Variants in GABRG3 observed in about 807,000 individuals in gnomAD.
The protein encoded by GABRG3 is gamma-aminobutyric acid receptor subunit gamma-3.
In GABRG3, 25 loss-of-function variants were observed where a neutral mutation model predicts 48.8. That is an observed-to-expected ratio of 0.51 (90% CI 0.37 to 0.72). GABRG3 has a LOEUF of 0.72. GABRG3 is among the 30% of genes least tolerant of loss of function. The pLI is 0.00. For missense variants in GABRG3, 394 were observed against 577.9 expected, an observed-to-expected ratio of 0.68 and a Z score of 3.26; for synonymous variants, 227 against 217.6, an observed-to-expected ratio of 1.04 and a Z score of -0.38.
chr15:27,222,442 T>G (rs950307069), intron 3 of GABRG3, among the ~76,000 whole-genome samples: 1 of 152,234 alleles, frequency 6.6e-6, no homozygotes, highest in Non-Finnish European at 1.5e-5. Flanking sequence ...GACTTCATGC[T>G]GGAACTTTCT....
In GABRG3 at chr15:27,352,152, A is replaced by G. The variant is rs1197771869; in HGVS notation, c.574+23264A>G. Among the ~76,000 whole-genome samples the G allele has an allele frequency of 7.0e-6, 1 of 143,802 alleles. No homozygotes were observed. 94.3% of individuals were successfully genotyped at this position (143,802 alleles called of 152,430 possible). Reference sequence around the variant, plus strand: ...TGATGTGTGTATTGTGTGTTTGTGTATGGTGTGTGTGTTTGTGTATGGTGT... The same window carrying G: ...TGATGTGTGTATTGTGTGTTTGTGTGTGGTGTGTGTGTTTGTGTATGGTGT... On this transcript the variant is annotated intron_variant, in intron 5 of 9. Coordinates refer to ENST00000615808, the MANE Select transcript of GABRG3 (RefSeq NM_033223.5). This position sits in a 1 kb window ranked among gnomAD's most constrained non-coding sequence, Gnocchi z 4.0.
At chr15:26,980,540 G>A (rs556307888) in intron 2 of GABRG3, among the ~76,000 whole-genome samples, 11 of 152,014 alleles carry the variant, frequency 7.2e-5, no homozygotes, top group Admixed American at 3.9e-4. Flanking sequence ...TTAGCCAGGC[G>A]TGGTGGCGGG....
intron 2 of GABRG3, among the ~76,000 whole-genome samples, chr15:26,990,474 ATT>A (rs1259268395): frequency 2.6e-5 from 4 of 151,804 alleles, no homozygotes; most frequent in African/African-American, 9.7e-5. Flanking sequence ...AGATTATTAG[ATT>A]TTTTTTCCTA....
chr15:27,123,239 A>G (rs1897761821), intron 3 of GABRG3, among the ~76,000 whole-genome samples: 1 of 152,218 alleles, frequency 6.6e-6, no homozygotes, highest in Non-Finnish European at 1.5e-5. Flanking sequence ...TAGGTATCAG[A>G]TATCTTTTTG....
intron 3 of GABRG3, among the ~76,000 whole-genome samples, chr15:27,141,896 C>A (rs1266545796): frequency 6.6e-6 from 1 of 152,178 alleles, no homozygotes; most frequent in Non-Finnish European, 1.5e-5. Context: ...GCTCACCCAT[C>A]TCTCATCTGT....
intron 3 of GABRG3, among the ~76,000 whole-genome samples, chr15:27,326,402 C>T (rs1010413266): frequency 1.6e-4 from 24 of 152,168 alleles, no homozygotes; most frequent in Admixed American, 5.2e-4. Flanking sequence ...CTTTTATCTT[C>T]GTTAACACCT....
chr15:27,271,584 T>C (rs989984375), intron 3 of GABRG3: 2 of 420,382 alleles, frequency 4.8e-6, no homozygotes, highest in African/African-American at 5.6e-5. Flanking sequence ...CTGCTGGGTA[T>C]GCAACCTAGA....
At chr15:26,983,829 A>G (rs988391086) in intron 2 of GABRG3, among the ~76,000 whole-genome samples, 1 of 152,116 alleles carries the variant, frequency 6.6e-6, no homozygotes, top group Non-Finnish European at 1.5e-5. Flanking sequence ...GCCTCAAACT[A>G]TTATCTGTTT....
At chr15:27,219,483 C>A (rs1439357504) in intron 3 of GABRG3, among the ~76,000 whole-genome samples, 6 of 152,186 alleles carry the variant, frequency 3.9e-5, no homozygotes, top group African/African-American at 1.4e-4. Context: ...CAGTCCAGCT[C>A]CTGCACCTGT....
At chr15:27,163,356 T>C (rs757337798) in intron 3 of GABRG3, among the ~76,000 whole-genome samples, 6 of 152,100 alleles carry the variant, frequency 3.9e-5, no homozygotes, top group Non-Finnish European at 5.9e-5. Context: ...CAGGCACATG[T>C]CACTATGCCC....
intron 2 of GABRG3, among the ~76,000 whole-genome samples, chr15:27,010,192 T>C (rs564869737): frequency 7.2e-4 from 110 of 152,288 alleles, no homozygotes; most frequent in African/African-American, 2.5e-3. Flanking sequence ...CATACCTAGG[T>C]TGATAGCTTG....
intron 3 of GABRG3, among the ~76,000 whole-genome samples, chr15:27,244,808 T>C (rs1890224371): frequency 6.6e-6 from 1 of 152,140 alleles, no homozygotes; most frequent in South Asian, 2.1e-4. Flanking sequence ...AATTAAAATA[T>C]TTACATAAAA....
At chr15:27,488,113 G>A (rs1392960108) in intron 6 of GABRG3, among the ~76,000 whole-genome samples, 1 of 152,144 alleles carries the variant, frequency 6.6e-6, no homozygotes, top group Non-Finnish European at 1.5e-5. Context: ...ACTTGTTCCT[G>A]CCCACATCCT....
At chr15:27,289,818 G>A (rs994473199) in intron 3 of GABRG3, among the ~76,000 whole-genome samples, 2 of 152,150 alleles carry the variant, frequency 1.3e-5, no homozygotes, top group African/African-American at 4.8e-5. Flanking sequence ...GCCTAATATA[G>A]ATATAGATGA....
intron 5 of GABRG3, among the ~76,000 whole-genome samples, chr15:27,338,403 T>G (rs1269727813): frequency 1.3e-5 from 2 of 152,130 alleles, no homozygotes; most frequent in Non-Finnish European, 2.9e-5. Context: ...TATGAGGAGA[T>G]GCCAGAAAAC....
At chr15:27,306,825 CATACA>C (rs1892524173) in intron 3 of GABRG3, among the ~76,000 whole-genome samples, 1 of 77,384 alleles carries the variant, frequency 1.3e-5, no homozygotes, top group African/African-American at 6.9e-5. Context: ...TATATATAAA[CATACA>C]ATATAAACAT....
chr15:27,090,381 T>A (rs1217637205), intron 3 of GABRG3, among the ~76,000 whole-genome samples: 1 of 152,228 alleles, frequency 6.6e-6, no homozygotes, highest in East Asian at 1.9e-4. Flanking sequence ...AACCCCATTG[T>A]AAGCTGAGCA....
At chr15:27,211,322 A>G (rs6422904) in intron 3 of GABRG3, among the ~76,000 whole-genome samples, 98,176 of 152,144 alleles carry the variant, frequency 0.65, 32,208 homozygotes, top group East Asian at 0.89. Context: ...GAACTGTGAA[A>G]CCATTTACAA....
chr15:27,287,841 C>G (rs1470738654), intron 3 of GABRG3, among the ~76,000 whole-genome samples: 2 of 149,740 alleles, frequency 1.3e-5, no homozygotes, highest in African/African-American at 5.0e-5. Context: ...TGGGTTCATA[C>G]CATTCTCCGG....
Sources: allele counts gnomAD v4.1 joint callset (sites outside exome capture counted in the v4.1 genomes callset), GRCh38; gene constraint gnomAD v4.1.1; non-coding constraint Gnocchi (gnomAD v3.1); transcripts MANE v1.5; gene names NCBI Gene and HGNC (gene_info 2026-07-23, HGNC 2026-07-21).